Variants in PKIA observed in about 807,000 individuals in gnomAD.
PKIA encodes PKI-alpha.
A neutral mutation model predicts 7.6 loss-of-function variants in PKIA; 4 were observed. The ratio of observed to expected loss-of-function variants is 0.52; its 90% CI spans 0.26 to 1.20. PKIA has a LOEUF of 1.20. Ranked by LOEUF, PKIA falls within the 50% of genes most tolerant of loss-of-function variation. The pLI is 0.13. For synonymous variants in PKIA, 21 were observed against 30.7 expected (o/e 0.68, Z 1.04); for missense variants, 73 against 86.2 (o/e 0.85, Z 0.61).
chr8:78,576,663 T>G (rs1186173120), intron 2 of PKIA, among the ~76,000 whole-genome samples: 1 of 152,016 alleles, frequency 6.6e-6, no homozygotes, highest in African/African-American at 2.4e-5. Flanking sequence ...AAAATCCACA[T>G]GTGGCTAATG....
intron 1 of PKIA, among the ~76,000 whole-genome samples, chr8:78,531,762 T>A (rs771514456): frequency 6.6e-6 from 1 of 152,034 alleles, no homozygotes; most frequent in Non-Finnish European, 1.5e-5. Flanking sequence ...GCCATTTAAT[T>A]GCTTTGTGGA....
intron 1 of PKIA, among the ~76,000 whole-genome samples, chr8:78,526,614 T>A (rs1224356215): frequency 6.6e-6 from 1 of 152,004 alleles, no homozygotes; most frequent in Non-Finnish European, 1.5e-5. Flanking sequence ...TTAAACTAAC[T>A]CCATTGTAGG....
At chr8:78,544,146 C>T (rs1806763780) in intron 1 of PKIA, among the ~76,000 whole-genome samples, 2 of 152,168 alleles carry the variant, frequency 1.3e-5, no homozygotes, top group African/African-American at 4.8e-5. Context: ...TGCTGTTATA[C>T]AATGTAGATG....
chr8:78,555,082 CACTT>C, intron 1 of PKIA, among the ~76,000 whole-genome samples: 1 of 152,066 alleles, frequency 6.6e-6, no homozygotes, highest in Admixed American at 6.6e-5. Context: ...GGGTACAAGG[CACTT>C]ACAGGTTGCA....
chr8:78,593,460 G>C (rs1007476993), intron 2 of PKIA, among the ~76,000 whole-genome samples: 1 of 152,102 alleles, frequency 6.6e-6, no homozygotes, highest in Non-Finnish European at 1.5e-5. Flanking sequence ...GAGACTAAGA[G>C]TGAAAATCAT....
intron 1 of PKIA, among the ~76,000 whole-genome samples, chr8:78,519,274 T>C (rs1242841053): frequency 6.6e-6 from 1 of 151,722 alleles, no homozygotes; most frequent in African/African-American, 2.4e-5. Context: ...TCTAACAAAA[T>C]ATCTTTTTCT....
rs563084671 is a variant in PKIA at position 78,604,591 on chromosome 8, A to T, written c.*2770A>T. On this transcript the variant is annotated 3_prime_UTR_variant, in exon 4 of 4. Transcript: ENST00000396418. The stretch of plus-strand genomic sequence containing the variant: ...AGGTCACATAAAGTATATCTTTTTT[A>T]AAAAAAAGAAATTCAATTATGTCTT... The T allele has an allele frequency of 1.7e-4, 26 of 151,828 alleles. No homozygotes were observed. The highest frequency in any genetic ancestry group is 5.8e-4 in the East Asian group (3 of 5,170). The allele number at this position is 151,828 out of a possible 1,614,324, so 9.4% of individuals were successfully genotyped here.
At chr8:78,532,318 AAAAC>A (rs776479118) in intron 1 of PKIA, among the ~76,000 whole-genome samples, 76 of 151,688 alleles carry the variant, frequency 5.0e-4, no homozygotes, top group Middle Eastern at 6.8e-3. Flanking sequence ...CTGAAATTAC[AAAAC>A]AAACAAACAA....
In PKIA at chr8:78,588,716, T is replaced by C. The variant is rs117436289; in HGVS notation, c.-27-9642T>C. On this transcript the variant is annotated intron_variant, in intron 2 of 3. Coordinates refer to ENST00000396418, the MANE Select transcript of PKIA (RefSeq NM_006823.4). ...AAAACAGTCCTCCTAAGTTAATAGA[T>C]ACATGTGTAAAATTACAAGGGGAAT... 5.3e-5 allele frequency among the ~76,000 whole-genome samples: 8 copies of C among 152,208 alleles called. No homozygotes were observed. In the East Asian group the frequency reaches 1.5e-3, roughly 29 times the overall value.
chr8:78,524,024 T>TTATATATATAAATA lies in PKIA; in HGVS notation c.-157+7562_-157+7563insTATAAATATATATA, dbSNP rs368530357. On this transcript the variant is annotated intron_variant, in intron 1 of 3. Transcript: ENST00000396418. ...TTTATATATAAATATATATAAACGT[T>TTATATATATAAATA]TATATAAACGTTTATATATATAAAT... Among the ~76,000 whole-genome samples the TTATATATATAAATA allele has an allele frequency of 6.2e-3, 515 of 83,548 alleles. 82 individuals carry two copies. The highest frequency in any genetic ancestry group is 0.027 in the African/African-American group (420 of 15,762). The allele number at this position is 83,548 out of a possible 152,430, so 54.8% of individuals were successfully genotyped here.
intron 1 of PKIA, among the ~76,000 whole-genome samples, chr8:78,571,884 T>G (rs1376215371): frequency 2.0e-5 from 3 of 152,008 alleles, no homozygotes; most frequent in African/African-American, 7.2e-5. Context: ...GCTCCTAGAT[T>G]CTAATGTTTT....
chr8:78,548,121 A>T (rs1806881309), intron 1 of PKIA, among the ~76,000 whole-genome samples: 1 of 152,146 alleles, frequency 6.6e-6, no homozygotes, highest in Non-Finnish European at 1.5e-5. Context: ...CTTAAAAGGG[A>T]TTAAACTACA....
chr8:78,599,833 T>C (rs3847184), intron 3 of PKIA, among the ~76,000 whole-genome samples: 149,349 of 151,800 alleles, frequency 0.98, 73,488 homozygotes, highest in Middle Eastern at 1. Context: ...AATATTAGGA[T>C]ATTTTTATTC....
chr8:78,562,179 T>G (rs1277749719), intron 1 of PKIA, among the ~76,000 whole-genome samples: 1 of 152,134 alleles, frequency 6.6e-6, no homozygotes, highest in Non-Finnish European at 1.5e-5. Context: ...AATAGTTGAG[T>G]TTTCCTAACA....
At chr8:78,533,291 T>C (rs555239056) in intron 1 of PKIA, among the ~76,000 whole-genome samples, 1 of 152,322 alleles carries the variant, frequency 6.6e-6, no homozygotes, top group Admixed American at 6.5e-5. Context: ...ATTTTCCATA[T>C]CTTAATCAGC....
intron 2 of PKIA, among the ~76,000 whole-genome samples, chr8:78,591,458 A>G (rs947185526): frequency 2.0e-5 from 3 of 152,204 alleles, no homozygotes; most frequent in Non-Finnish European, 2.9e-5. Context: ...AATCCATTAT[A>G]TAAAGAATTT....
At chr8:78,525,178 G>A (rs1809518359) in intron 1 of PKIA, among the ~76,000 whole-genome samples, 1 of 151,606 alleles carries the variant, frequency 6.6e-6, no homozygotes, top group Admixed American at 6.6e-5. Context: ...ACCCAGGGCA[G>A]GAAAACATGA....
intron 2 of PKIA, among the ~76,000 whole-genome samples, chr8:78,589,465 G>A (rs1474340454): frequency 2.0e-5 from 3 of 151,962 alleles, no homozygotes; most frequent in Non-Finnish European, 2.9e-5. Context: ...AAGTTTTTAC[G>A]TGTTAAACAT....
intron 2 of PKIA, among the ~76,000 whole-genome samples, chr8:78,595,179 A>G (rs1808199059): frequency 6.6e-6 from 1 of 152,202 alleles, no homozygotes; most frequent in African/African-American, 2.4e-5. Flanking sequence ...ACGAAAGTAA[A>G]GATAACAGTA....
Sources: gnomAD v4.1 joint callset for allele counts (sites outside exome capture counted in the v4.1 genomes callset) on GRCh38, gnomAD v4.1.1 for gene constraint, MANE v1.5 for transcripts, NCBI Gene and HGNC (gene_info 2026-07-23, HGNC 2026-07-21) for gene names.